Variants in PAK1IP1 observed in about 807,000 individuals in gnomAD.
PAK1IP1 encodes PAK1 interacting protein 1.
In PAK1IP1, 24 loss-of-function variants were observed where a neutral mutation model predicts 42.0. The ratio of observed to expected loss-of-function variants is 0.57; its 90% CI spans 0.41 to 0.80. The LOEUF (loss-of-function observed/expected upper bound fraction) is 0.80, where lower values mean the gene tolerates loss of function less well. PAK1IP1 is among the 30% of genes least tolerant of loss of function. The pLI is 0.00. For missense variants in PAK1IP1, 411 were observed against 467.9 expected (o/e 0.88, Z 1.12); for synonymous variants, 154 against 156.7 (o/e 0.98, Z 0.13).
upstream of PAK1IP1, chr6:10,694,589 A>AATT: frequency 2.2e-5 from 4 of 178,142 alleles, no homozygotes; most frequent in South Asian, 9.8e-5. Flanking sequence ...TGCCGGCGCT[A>AATT]CAGCCCCTAA....
chr6:10,691,881 T>C (rs761816501), upstream of PAK1IP1, among the ~76,000 whole-genome samples: 1 of 152,190 alleles, frequency 6.6e-6, no homozygotes, highest in Non-Finnish European at 1.5e-5. Context: ...ATGTTCATGG[T>C]GCTTACACCA....
At chr6:10,707,631 G>T in intron 8 of PAK1IP1, 117 bp downstream of exon 8, 1 of 642,994 alleles carries the variant, frequency 1.6e-6, no homozygotes, top group East Asian at 2.7e-5. Flanking sequence ...TCTCTTCCAG[G>T]CATGATTGAT....
chr6:10,694,807 T>G, upstream of PAK1IP1: 1 of 555,494 alleles, frequency 1.8e-6, no homozygotes, highest in Non-Finnish European at 3.2e-6. Context: ...CCATGTGACC[T>G]CCCCGCGCTT....
rs752771472 is a variant in PAK1IP1, at chr6:10,697,446, G to A, written c.207G>A (p.Met69Ile). Residue 69 changes from methionine (M) to isoleucine (I), a missense_variant, in exon 2 of 10, where the codon ATG (methionine) becomes ATA (isoleucine). Coordinates refer to ENST00000379568, the MANE Select transcript of PAK1IP1 (RefSeq NM_017906.3). The part of the protein sequence containing the change: ...SKDETIHIYD[M>I]KKKIEHGALV... ...ATGAAACAATTCACATTTATGACAT[G>A]AAAAAGAAGATTGAGCATGGGGCTC... The A allele has an allele frequency of 6.2e-7, 1 of 1,614,034 alleles. No individual in the cohort carries two copies. The highest frequency in any genetic ancestry group is 1.1e-5 in the South Asian group (1 of 91,074).
chr6:10,691,433 A>G (rs984927951), upstream of PAK1IP1, among the ~76,000 whole-genome samples: 1 of 152,098 alleles, frequency 6.6e-6, no homozygotes, highest in Non-Finnish European at 1.5e-5. Flanking sequence ...ATGCACCGGT[A>G]ATTAGAACGG....
intron 2 of PAK1IP1, among the ~76,000 whole-genome samples, chr6:10,699,405 GC>G (rs1179862420): frequency 6.6e-6 from 1 of 152,072 alleles, no homozygotes; most frequent in Non-Finnish European, 1.5e-5. Flanking sequence ...CGATGCCCAG[GC>G]TGTGGGTGTA....
chr6:10,700,349 C>T (rs1468175505), intron 2 of PAK1IP1, among the ~76,000 whole-genome samples: 3 of 152,118 alleles, frequency 2.0e-5, no homozygotes, highest in East Asian at 1.9e-4. Flanking sequence ...TGAGCCACCG[C>T]GCCCTGCCAA....
intron 2 of PAK1IP1, among the ~76,000 whole-genome samples, chr6:10,698,019 A>G (rs1350130776): frequency 3.9e-5 from 6 of 152,216 alleles, no homozygotes; most frequent in African/African-American, 1.4e-4. Context: ...CATCTGAATT[A>G]TCTTAAAAGA....
At position 10,704,663 on chromosome 6, in the gene PAK1IP1, A is replaced by C. The variant is rs369286226; in HGVS notation, c.642+11A>C. 68 of 1,611,946 alleles carry C rather than the reference A, an allele frequency of 4.2e-5. No individual in the cohort carries two copies. The highest frequency in any genetic ancestry group is 5.5e-5 in the Non-Finnish European group (65 of 1,178,478). ...GTTAAATTTCTTTCAGTAAGTAATC[A>C]GAAATCATTGACCAAAGTTTGTGGT... On this transcript the variant is annotated intron_variant, in intron 6 of 9. Transcript: ENST00000379568.
At chr6:10,693,955 C>T (rs562976714), upstream of PAK1IP1, among the ~76,000 whole-genome samples, 131 of 152,202 alleles carry the variant, frequency 8.6e-4, 1 homozygote, top group African/African-American at 2.9e-3. Flanking sequence ...CTTTGTTTTC[C>T]CAACTCTCAA....
chr6:10,706,389 T>C (rs1437188440), intron 7 of PAK1IP1, among the ~76,000 whole-genome samples: 1 of 151,960 alleles, frequency 6.6e-6, no homozygotes, highest in Non-Finnish European at 1.5e-5. Context: ...TTTTTCTTAC[T>C]ATGGAAAAAT....
At chr6:10,691,403 G>A (rs1191215558), upstream of PAK1IP1, among the ~76,000 whole-genome samples, 1 of 152,072 alleles carries the variant, frequency 6.6e-6, no homozygotes, top group Admixed American at 6.6e-5. Flanking sequence ...GCAAGCGGGG[G>A]TACATGACTG....
upstream of PAK1IP1, chr6:10,694,607 G>GGTGTAGAT: frequency 1.5e-5 from 3 of 197,422 alleles, no homozygotes; most frequent in South Asian, 1.5e-4. Flanking sequence ...TAAGCAACCG[G>GGTGTAGAT]CCGGAAGTCG....
At chr6:10,694,702 C>T (rs1169007738), upstream of PAK1IP1, 2 of 339,322 alleles carry the variant, frequency 5.9e-6, no homozygotes, top group African/African-American at 2.1e-5. Context: ...GTAGCTGGCA[C>T]CTTCCTGAGA....
At chr6:10,701,329 G>A (rs1314225911) in intron 2 of PAK1IP1, among the ~76,000 whole-genome samples, 3 of 152,080 alleles carry the variant, frequency 2.0e-5, no homozygotes, top group Admixed American at 6.6e-5. Flanking sequence ...TGCCTGTCTC[G>A]GTCTCCCAAA....
chr6:10,705,170 AAAAT>A (rs1326065479), intron 7 of PAK1IP1, among the ~76,000 whole-genome samples: 1 of 152,072 alleles, frequency 6.6e-6, no homozygotes, highest in Non-Finnish European at 1.5e-5. Context: ...TAAAAATAAA[AAAAT>A]TGGTGTGGTG....
At chr6:10,702,221 CAA>C (rs950022946) in intron 2 of PAK1IP1, 146 bp from the exon 3 acceptor site, 48 of 621,230 alleles carry the variant, frequency 7.7e-5, no homozygotes, top group Non-Finnish European at 1.2e-4. Context: ...GCCTGGGTAA[CAA>C]GAGTGAAACC....
chr6:10,706,028 T>C (rs1770194066), intron 7 of PAK1IP1, among the ~76,000 whole-genome samples: 1 of 152,196 alleles, frequency 6.6e-6, no homozygotes, highest in Non-Finnish European at 1.5e-5. Flanking sequence ...CTACACGAAG[T>C]ATTTAATGAT....
intron 1 of PAK1IP1, 75 bp downstream of exon 1, chr6:10,695,144 T>G (rs1581577486): frequency 1.1e-6 from 1 of 883,458 alleles, no homozygotes; most frequent in Non-Finnish European, 1.9e-6. Flanking sequence ...ACAGCAGAGG[T>G]GAACATTGGA....
Sources: gnomAD v4.1 joint callset for allele counts (sites outside exome capture counted in the v4.1 genomes callset) on GRCh38, gnomAD v4.1.1 for gene constraint, MANE v1.5 for transcripts, NCBI Gene and HGNC (gene_info 2026-07-23, HGNC 2026-07-21) for gene names.